Variants in ERCC1 observed in about 807,000 individuals in gnomAD.
The protein encoded by ERCC1 is DNA excision repair protein ERCC-1.
ERCC1 carries 36 observed loss-of-function variants against 37.6 expected under a neutral mutation model. That is an observed-to-expected ratio of 0.96 (90% CI 0.73 to 1.26). The LOEUF is 1.26. Among genes scored for constraint, ERCC1 ranks in the 50% most tolerant of loss-of-function variants. ERCC1 has a pLI of 0.00. For synonymous variants in ERCC1, 156 were observed against 162.1 expected, an observed-to-expected ratio of 0.96 and a Z score of 0.28; for missense variants, 349 against 376.5, an observed-to-expected ratio of 0.93 and a Z score of 0.60.
chr19:45,416,405 C>G (rs891039203), intron 6 of ERCC1: 3 of 213,206 alleles, frequency 1.4e-5, no homozygotes, highest in African/African-American at 2.3e-5. Flanking sequence ...AATCCCAGCA[C>G]TTTGGGAGGG....
chr19:45,413,308 C>G (rs1422880660), intron 9 of ERCC1: 2 of 509,766 alleles, frequency 3.9e-6, no homozygotes, highest in African/African-American at 1.9e-5. Flanking sequence ...GCTCTGTCAC[C>G]CAGGCTGGAG....
At position 45,423,339 on chromosome 19, in the gene ERCC1, C is replaced by T; in HGVS notation, c.36G>A (p.Gln12=). The change falls in exon 2 of 10, where the codon CAG becomes CAA. Residue 12 remains glutamine (Q), a synonymous_variant. Coordinates refer to ENST00000300853, the MANE Select transcript of ERCC1 (RefSeq NM_001983.4). ...DPGKDKEGVP[Q]PSGPPARKKF... Reference sequence around the variant, plus strand: ...TCTTCCTTGCTGGCGGCCCTGAGGGCTGGGGCACCCCCTCTTTGTCCTTCC... The same window carrying T: ...TCTTCCTTGCTGGCGGCCCTGAGGGTTGGGGCACCCCCTCTTTGTCCTTCC... 6.2e-7 allele frequency: 1 copy of T among 1,613,710 alleles called. No homozygotes were observed.
At chr19:45,444,619 GC>G (rs1975213174) in intron 1 of ERCC1, among the ~76,000 whole-genome samples, 1 of 152,176 alleles carries the variant, frequency 6.6e-6, no homozygotes, top group South Asian at 2.1e-4. Context: ...AGAGATCAGG[GC>G]CCCGGAGCAA....
In ERCC1 at chr19:45,408,148, T is replaced by C. The variant is rs780867630; in HGVS notation, c.*1527A>G. On this transcript the variant is annotated 3_prime_UTR_variant, in exon 10 of 10. Coordinates refer to ENST00000300853, the MANE Select transcript of ERCC1 (RefSeq NM_001983.4). ...CTCTCTGTAGCTTCAATGGGCGGCA[T>C]GTGCCTCTCTCTGGCTCCCAGATCG... The C allele has an allele frequency of 5.0e-6, 8 of 1,602,002 alleles. No homozygotes were observed. The Admixed American group carries it at 1.0e-4, about 20-fold the overall frequency.
At chr19:45,422,672 G>A (rs975632337) in intron 2 of ERCC1, among the ~76,000 whole-genome samples, 4 of 152,102 alleles carry the variant, frequency 2.6e-5, no homozygotes, top group African/African-American at 7.2e-5. Flanking sequence ...CAGGAGAATC[G>A]CTTGAACCCA....
chr19:45,409,892 A>ATTT (rs200386912), intron 9 of ERCC1, 167 bp from the exon 10 acceptor site: 18 of 206,462 alleles, frequency 8.7e-5, no homozygotes, highest in South Asian at 4.0e-4. Flanking sequence ...TATTATTATT[A>ATTT]TTATTTTTTT....
chr19:45,423,562 C>A, intron 1 of ERCC1, 181 bp from the exon 2 acceptor site: 8 of 1,431,554 alleles, frequency 5.6e-6, no homozygotes, highest in Non-Finnish European at 7.3e-6. Flanking sequence ...ACCTTCGGCT[C>A]GCCCCGCCCC....
chr19:45,426,455 G>A (rs1191578388), upstream of ERCC1, among the ~76,000 whole-genome samples: 1 of 151,348 alleles, frequency 6.6e-6, no homozygotes, highest in Admixed American at 6.6e-5. Context: ...GGAGGCTGAG[G>A]CAGGAGAATT....
At chr19:45,439,617 C>T (rs1399088967) in intron 1 of ERCC1, among the ~76,000 whole-genome samples, 1 of 152,156 alleles carries the variant, frequency 6.6e-6, no homozygotes. Flanking sequence ...GCGATCCCTG[C>T]GGGGGCCACC....
At chr19:45,426,012 G>C (rs1312723630), upstream of ERCC1, among the ~76,000 whole-genome samples, 1 of 151,728 alleles carries the variant, frequency 6.6e-6, no homozygotes, top group Non-Finnish European at 1.5e-5. Flanking sequence ...GGGAGGCCTA[G>C]GCGGGTGGAT....
chr19:45,411,304 T>C (rs1973721624), intron 9 of ERCC1, among the ~76,000 whole-genome samples: 2 of 151,130 alleles, frequency 1.3e-5, no homozygotes, highest in African/African-American at 4.9e-5. Context: ...TTTGGGGATA[T>C]ACCCAGCAGT....
chr19:45,439,846 C>A (rs1197029297), intron 1 of ERCC1, among the ~76,000 whole-genome samples: 1 of 151,990 alleles, frequency 6.6e-6, no homozygotes, highest in Non-Finnish European at 1.5e-5. Context: ...CGCGCTCCTC[C>A]CCGGGGCCCT....
At chr19:45,415,359 G>A (rs1973995422) in intron 6 of ERCC1, among the ~76,000 whole-genome samples, 2 of 144,288 alleles carry the variant, frequency 1.4e-5, no homozygotes, top group South Asian at 2.2e-4. Context: ...AAAAAAGGCC[G>A]GGTGTGGTGG....
intron 1 of ERCC1, chr19:45,449,093 C>T (rs1967035339): frequency 1.3e-5 from 2 of 152,166 alleles, no homozygotes; most frequent in Admixed American, 1.3e-4. Context: ...GGACCTTTAC[C>T]TGGAAGTGAT....
At chr19:45,445,385 T>C (rs961555459) in intron 1 of ERCC1, among the ~76,000 whole-genome samples, 1 of 152,198 alleles carries the variant, frequency 6.6e-6, no homozygotes, top group Non-Finnish European at 1.5e-5. Context: ...AATGCAGTAT[T>C]GAACAAGACA....
chr19:45,419,240 T>C, intron 4 of ERCC1, 43 bp from the exon 5 acceptor site: 1 of 1,354,416 alleles, frequency 7.4e-7, no homozygotes, highest in Non-Finnish European at 1.0e-6. Flanking sequence ...CTCAGTCTCT[T>C]CAAGACCCCC....
rs554687713 is a variant in ERCC1, at chr19:45,416,799, G to A, written c.602+22C>T. On this transcript the variant is annotated intron_variant, in intron 6 of 9. Coordinates refer to ENST00000300853, the MANE Select transcript of ERCC1 (RefSeq NM_001983.4). The stretch of plus-strand genomic sequence containing the variant: ...CCAATCCCAGGTGGAGCCTGAATGA[G>A]GCAGGGAAGCCCTCATCTCACCTCC... The A allele has an allele frequency of 2.6e-5, 41 of 1,597,400 alleles. 1 individual carries two copies. In the South Asian group the frequency reaches 4.4e-4, roughly 17 times the overall value.
rs746076752 is a variant in ERCC1, at chr19:45,408,264, C to T, written c.*1411G>A. On this transcript the variant is annotated 3_prime_UTR_variant, in exon 10 of 10. Transcript: ENST00000300853. ...GAAGCGACCCTGCTGGCCCCCTCAA[C>T]GGAGGCAGGAGGTGGACTCACCTGT... The T allele has an allele frequency of 9.3e-6, 15 of 1,613,998 alleles. No individual in the cohort carries two copies. Among genetic ancestry groups the T allele is most frequent in the African/African-American group, 1.3e-5 (1 of 74,938 alleles).
intron 1 of ERCC1, among the ~76,000 whole-genome samples, chr19:45,451,048 G>T (rs992254030): frequency 6.6e-6 from 1 of 152,082 alleles, no homozygotes; most frequent in Non-Finnish European, 1.5e-5. Flanking sequence ...CCCGCCGGGA[G>T]CCCGGGGCGG....
Sources: gnomAD v4.1 joint callset for allele counts (sites outside exome capture counted in the v4.1 genomes callset) on GRCh38, gnomAD v4.1.1 for gene constraint, MANE v1.5 for transcripts, NCBI Gene and HGNC (gene_info 2026-07-23, HGNC 2026-07-21) for gene names.